The following GPC5 variants were observed in gnomAD, a reference collection of about 807,000 sequenced individuals.
The protein encoded by GPC5 is glypican-5.
Under a neutral mutation model 53.9 loss-of-function variants are expected in GPC5, and 47 were observed. That is an observed-to-expected ratio of 0.87 (90% CI 0.69 to 1.11). The LOEUF (loss-of-function observed/expected upper bound fraction) is 1.11, where lower values mean the gene tolerates loss of function less well. GPC5 is among the 50% of genes most tolerant of loss of function. GPC5 has a pLI of 0.00. For synonymous variants in GPC5, 286 were observed against 263.3 expected (o/e 1.09, Z -0.84); for missense variants, 748 against 713.1 (o/e 1.05, Z -0.56).
At chr13:91,975,142 C>T (rs374643586) in intron 6 of GPC5, among the ~76,000 whole-genome samples, 3,561 of 152,006 alleles carry the variant, frequency 0.023, 137 homozygotes, top group African/African-American at 0.081. Flanking sequence ...AAGACTTAAA[C>T]GTTAGACCTA....
At chr13:91,573,373 G>A (rs1399519327) in intron 2 of GPC5, among the ~76,000 whole-genome samples, 2 of 152,114 alleles carry the variant, frequency 1.3e-5, no homozygotes, top group Non-Finnish European at 2.9e-5. Flanking sequence ...GCTGAGAATC[G>A]ATCATTTCTT....
intron 7 of GPC5, among the ~76,000 whole-genome samples, chr13:92,146,772 G>A (rs2041870364): frequency 6.6e-6 from 1 of 151,980 alleles, no homozygotes; most frequent in African/African-American, 2.4e-5. Flanking sequence ...TTGGTTTCCT[G>A]TTCCTGAGTT....
At chr13:91,689,064 A>C (rs993384683) in intron 2 of GPC5, among the ~76,000 whole-genome samples, 35 of 150,718 alleles carry the variant, frequency 2.3e-4, no homozygotes, top group Non-Finnish European at 4.7e-4. Context: ...GCTACTTGGG[A>C]AGTTGAGGCA....
chr13:92,647,770 T>G (rs1214744436), intron 7 of GPC5, among the ~76,000 whole-genome samples: 8 of 152,160 alleles, frequency 5.3e-5, no homozygotes, highest in Non-Finnish European at 1.2e-4. Context: ...AAGCTAACTC[T>G]TCTGAACTCT....
chr13:92,414,649 TGA>T (rs1876200607), intron 7 of GPC5, among the ~76,000 whole-genome samples: 1 of 152,204 alleles, frequency 6.6e-6, no homozygotes, highest in Non-Finnish European at 1.5e-5. Context: ...TATGGGTGTC[TGA>T]GTTTGTTTGG....
At chr13:91,953,848 T>G (rs1042893589) in intron 6 of GPC5, among the ~76,000 whole-genome samples, 1 of 152,206 alleles carries the variant, frequency 6.6e-6, no homozygotes, top group Admixed American at 6.5e-5. Flanking sequence ...TCTGCCCTCA[T>G]GGCCTAATCA....
At chr13:92,746,909 A>T (rs1472199541) in intron 7 of GPC5, among the ~76,000 whole-genome samples, 1 of 152,148 alleles carries the variant, frequency 6.6e-6, no homozygotes, top group Non-Finnish European at 1.5e-5. Flanking sequence ...GTACTTACAC[A>T]AACCTAGGTG....
chr13:92,004,458 T>TATATATATATATATA (rs1555303834), intron 6 of GPC5, among the ~76,000 whole-genome samples: 8 of 82,484 alleles, frequency 9.7e-5, no homozygotes, highest in East Asian at 2.8e-4. Flanking sequence ...AAAAAAAAAA[T>TATATATATATATATA]TATATATATA....
chr13:92,263,328 T>C (rs1341775699), intron 7 of GPC5, among the ~76,000 whole-genome samples: 4 of 152,188 alleles, frequency 2.6e-5, no homozygotes, highest in Non-Finnish European at 5.9e-5. Flanking sequence ...AGACGCATTC[T>C]TGAGTTGAAG....
intron 7 of GPC5, among the ~76,000 whole-genome samples, chr13:92,390,106 G>GA (rs368966435): frequency 4.6e-5 from 7 of 152,004 alleles, no homozygotes; most frequent in African/African-American, 1.4e-4. Context: ...GAACGAGAGA[G>GA]AAAAAAATAA....
intron 7 of GPC5, among the ~76,000 whole-genome samples, chr13:92,729,064 G>C (rs1566388533): frequency 6.6e-6 from 1 of 151,198 alleles, no homozygotes; most frequent in Non-Finnish European, 1.5e-5. Context: ...CAATTTATCT[G>C]TACAAGAACA....
At chr13:92,152,671 C>T (rs983808432) in intron 7 of GPC5, among the ~76,000 whole-genome samples, 3 of 150,330 alleles carry the variant, frequency 2.0e-5, no homozygotes, top group African/African-American at 4.9e-5. Flanking sequence ...CCCGGGAGGC[C>T]GAGCTTGCAG....
chr13:91,784,628 G>A (rs1184044337), intron 5 of GPC5, among the ~76,000 whole-genome samples: 1 of 151,636 alleles, frequency 6.6e-6, no homozygotes, highest in Admixed American at 6.6e-5. Flanking sequence ...GGAGGCTGAG[G>A]CACGAGAATC....
At chr13:92,113,476 T>C (rs1315731082) in intron 6 of GPC5, among the ~76,000 whole-genome samples, 2 of 152,194 alleles carry the variant, frequency 1.3e-5, no homozygotes, top group African/African-American at 2.4e-5. Flanking sequence ...CTTTCCTCTG[T>C]CAGTCAATTA....
At chr13:92,667,954 T>C (rs1188839485) in intron 7 of GPC5, among the ~76,000 whole-genome samples, 1 of 152,146 alleles carries the variant, frequency 6.6e-6, no homozygotes, top group African/African-American at 2.4e-5. Context: ...ATGTCTGCTT[T>C]GCCTATGAAT....
chr13:92,117,580 C>G (rs574569513), intron 6 of GPC5, among the ~76,000 whole-genome samples: 1 of 152,102 alleles, frequency 6.6e-6, no homozygotes, highest in Non-Finnish European at 1.5e-5. Flanking sequence ...TGGGAAGAAT[C>G]GACATCTCAA....
chr13:91,783,966 A>G (rs2037838096), intron 5 of GPC5, among the ~76,000 whole-genome samples: 1 of 152,218 alleles, frequency 6.6e-6, no homozygotes, highest in Non-Finnish European at 1.5e-5. Flanking sequence ...TAATCATAAA[A>G]TGTATTTAGA....
At chr13:92,239,072 T>C (rs1001302699) in intron 7 of GPC5, among the ~76,000 whole-genome samples, 2 of 152,082 alleles carry the variant, frequency 1.3e-5, no homozygotes, top group Middle Eastern at 3.4e-3. Context: ...GTTTTATTTG[T>C]AGACTCTCAT....
chr13:91,669,258 CAA>C (rs1312118025), intron 2 of GPC5, among the ~76,000 whole-genome samples: 1 of 152,090 alleles, frequency 6.6e-6, no homozygotes, highest in African/African-American at 2.4e-5. Flanking sequence ...ACACTGCAAA[CAA>C]GAGTGAGACA....
Sources: gnomAD v4.1 joint callset for allele counts (sites outside exome capture counted in the v4.1 genomes callset) on GRCh38, gnomAD v4.1.1 for gene constraint, MANE v1.5 for transcripts, NCBI Gene and HGNC (gene_info 2026-07-23, HGNC 2026-07-21) for gene names.